Variants in TNS3 observed in about 807,000 individuals in gnomAD.
The protein encoded by TNS3 is tensin-3.
In TNS3, 45 loss-of-function variants were observed where a neutral mutation model predicts 140.9. The observed-to-expected ratio is 0.32, with a 90% CI of 0.25 to 0.41. The LOEUF (loss-of-function observed/expected upper bound fraction) is 0.41, where lower values mean the gene tolerates loss of function less well. Among genes scored for constraint, TNS3 ranks in the 10% least tolerant of loss-of-function variants. The pLI, the probability that TNS3 is intolerant of heterozygous loss-of-function variation, is 1.00. For synonymous variants in TNS3, 815 were observed against 788.4 expected, an observed-to-expected ratio of 1.03 and a Z score of -0.56; for missense variants, 1,716 against 1,906.7, an observed-to-expected ratio of 0.90 and a Z score of 1.86.
At chr7:47,344,263 C>T (rs537592907) in intron 20 of TNS3, among the ~76,000 whole-genome samples, 4 of 152,116 alleles carry the variant, frequency 2.6e-5, no homozygotes, top group South Asian at 2.1e-4. Context: ...GACAGACGGA[C>T]GCGATCAGGC....
intron 10 of TNS3, among the ~76,000 whole-genome samples, chr7:47,420,108 A>G (rs372841298): frequency 9.2e-5 from 14 of 152,176 alleles, no homozygotes; most frequent in African/African-American, 3.1e-4. Context: ...TCCTTTAGAG[A>G]ATGTGGAAAA....
At chr7:47,316,123 TC>T (rs1787391343) in intron 20 of TNS3, among the ~76,000 whole-genome samples, 8 of 151,100 alleles carry the variant, frequency 5.3e-5, no homozygotes, top group Admixed American at 3.3e-4. Flanking sequence ...TCTCTCTCTC[TC>T]TCTCTCTCTC....
chr7:47,337,964 A>G (rs1175710125), intron 20 of TNS3, among the ~76,000 whole-genome samples: 1 of 152,220 alleles, frequency 6.6e-6, no homozygotes, highest in African/African-American at 2.4e-5. Context: ...ATCATACACT[A>G]TACAGACTTC....
intron 16 of TNS3, among the ~76,000 whole-genome samples, chr7:47,379,246 G>T (rs1374127639): frequency 6.6e-6 from 1 of 152,192 alleles, no homozygotes; most frequent in Non-Finnish European, 1.5e-5. Flanking sequence ...AGCGATATCT[G>T]AGCCAAGAGG....
At chr7:47,332,189 C>T (rs1034939992) in intron 20 of TNS3, among the ~76,000 whole-genome samples, 2 of 152,218 alleles carry the variant, frequency 1.3e-5, no homozygotes, top group East Asian at 1.9e-4. Flanking sequence ...TACCTCTTGA[C>T]GCCCAGTGCT....
chr7:47,392,733 TA>T (rs1792601491), intron 16 of TNS3, among the ~76,000 whole-genome samples: 1 of 152,158 alleles, frequency 6.6e-6, no homozygotes, highest in Admixed American at 6.5e-5. Context: ...CCTGGAGTAA[TA>T]GCTCACCAAT....
Position 47,344,925 on chromosome 7 carries a change from A to T in TNS3, c.2565T>A (p.Tyr855Ter). 6.2e-7 allele frequency: 1 copy of T among 1,613,822 alleles called. No individual in the cohort carries two copies. Among genetic ancestry groups the T allele is most frequent in the Non-Finnish European group, 8.5e-7 (1 of 1,179,714 alleles). The change falls in exon 19 of 31, where the codon TAT (tyrosine) becomes TAA (stop). Residue 855 changes from tyrosine to a stop codon, truncating the protein, a stop_gained and splice_region_variant. Coordinates refer to ENST00000311160, the MANE Select transcript of TNS3 (RefSeq NM_022748.12). LOFTEE classifies it high-confidence loss of function. ...CAGCTAGTGTTACTTCATTCTTACCATACGGTGTCTCTGGAGACACAGGAA... is the reference window on the plus strand; with the variant it reads ...CAGCTAGTGTTACTTCATTCTTACCTTACGGTGTCTCTGGAGACACAGGAA... ...PAFPVSPETP[Y>*]VKTALRHPPF...
In TNS3 at chr7:47,427,816, T is replaced by C. The variant is rs117322332; in HGVS notation, c.389+496A>G. 1.3e-3 allele frequency among the ~76,000 whole-genome samples: 202 copies of C among 152,276 alleles called. 1 individual carries two copies. The highest frequency in any genetic ancestry group is 0.011 in the East Asian group (57 of 5,184). On this transcript the variant is annotated intron_variant, in intron 9 of 30. Transcript: ENST00000311160. ...AGCCTCACCTCCCTCATCCATGCAA[T>C]GGGAATGATAGTAACTGCCTCGTGG...
At chr7:47,530,838 A>ATATATATATATATATATATATATATAT (rs1554350246) in intron 1 of TNS3, among the ~76,000 whole-genome samples, 1 of 54,566 alleles carries the variant, frequency 1.8e-5, no homozygotes, top group Non-Finnish European at 3.3e-5. Flanking sequence ...AAAAAAAAAA[A>ATATATATATATATATATATATATATAT]ATATATATAT....
intron 22 of TNS3, among the ~76,000 whole-genome samples, chr7:47,302,644 T>A (rs1328419562): frequency 2.6e-5 from 4 of 152,224 alleles, no homozygotes; most frequent in Non-Finnish European, 5.9e-5. Context: ...AAGGAATTTG[T>A]TATTTACAAA....
At chr7:47,318,565 A>G (rs1354159298) in intron 20 of TNS3, among the ~76,000 whole-genome samples, 1 of 152,154 alleles carries the variant, frequency 6.6e-6, no homozygotes, top group African/African-American at 2.4e-5. Context: ...GCAGCACCAG[A>G]AAAGAAAAGA....
chr7:47,293,579 G>A (rs574097933), intron 25 of TNS3, among the ~76,000 whole-genome samples, 154 bp downstream of exon 25: 2 of 152,318 alleles, frequency 1.3e-5, no homozygotes, highest in East Asian at 3.9e-4. Flanking sequence ...TTATCTTAAA[G>A]ATAATAATGC....
intron 4 of TNS3, among the ~76,000 whole-genome samples, chr7:47,448,542 C>G (rs916763749): frequency 1.4e-5 from 2 of 147,480 alleles, no homozygotes; most frequent in East Asian, 3.9e-4. Flanking sequence ...TGGAGTGGCA[C>G]GATCTCGGCT....
At chr7:47,413,157 T>C (rs1793875110) in intron 12 of TNS3, among the ~76,000 whole-genome samples, 1 of 151,892 alleles carries the variant, frequency 6.6e-6, no homozygotes, top group African/African-American at 2.4e-5. Context: ...TTTCACCATA[T>C]TGGCCAGGAT....
At chr7:47,406,286 G>A (rs1793444439) in intron 13 of TNS3, among the ~76,000 whole-genome samples, 1 of 152,192 alleles carries the variant, frequency 6.6e-6, no homozygotes, top group African/African-American at 2.4e-5. Flanking sequence ...GCAGACGGTG[G>A]GTCAAGGTCA....
chr7:47,341,790 T>C (rs931691759), intron 20 of TNS3, among the ~76,000 whole-genome samples: 4 of 151,950 alleles, frequency 2.6e-5, no homozygotes, highest in African/African-American at 9.7e-5. Context: ...TTTTCTAGGT[T>C]ATGGAGGTAA....
chr7:47,506,581 C>A (rs963371529), intron 3 of TNS3, among the ~76,000 whole-genome samples: 27 of 152,024 alleles, frequency 1.8e-4, no homozygotes, highest in African/African-American at 5.8e-4. Context: ...CCTGCCCTCT[C>A]TCCACCGAGA....
intron 4 of TNS3, among the ~76,000 whole-genome samples, chr7:47,462,463 C>T (rs79159468): frequency 0.021 from 3,144 of 152,260 alleles, 94 homozygotes; most frequent in African/African-American, 0.072. Flanking sequence ...GACTAGAGCT[C>T]GCAGGACCCT....
intron 1 of TNS3, among the ~76,000 whole-genome samples, chr7:47,573,551 G>T (rs1264433717): frequency 6.6e-6 from 1 of 152,194 alleles, no homozygotes; most frequent in Non-Finnish European, 1.5e-5. Flanking sequence ...AGGTGGCCCT[G>T]CCCAGGGCCT....
Sources: gnomAD v4.1 joint callset for allele counts (sites outside exome capture counted in the v4.1 genomes callset) on GRCh38, gnomAD v4.1.1 for gene constraint, MANE v1.5 for transcripts, NCBI Gene and HGNC (gene_info 2026-07-23, HGNC 2026-07-21) for gene names.